ELMO1: variants seen among roughly 807,000 people sequenced by gnomAD.
ELMO1 encodes the protein engulfment and cell motility 1.
A neutral mutation model predicts 98.9 loss-of-function variants in ELMO1; 26 were observed. The ratio of observed to expected loss-of-function variants is 0.26; its 90% confidence interval spans 0.19 to 0.36. The LOEUF is 0.36. Ranked by LOEUF, ELMO1 falls within the 10% of genes least tolerant of loss-of-function variation. The pLI is 1.00. For missense variants in ELMO1, 627 were observed against 935.2 expected, an observed-to-expected ratio of 0.67 and a Z score of 4.30; for synonymous variants, 346 against 346.0, an observed-to-expected ratio of 1.00 and a Z score of 0.00.
At chr7:37,055,214 G>A (rs1467275935) in intron 15 of ELMO1, among the ~76,000 whole-genome samples, 1 of 152,298 alleles carries the variant, frequency 6.6e-6, no homozygotes, top group East Asian at 1.9e-4. Flanking sequence ...AAGAGCTGAG[G>A]CATCTATAGA....
intron 15 of ELMO1, among the ~76,000 whole-genome samples, chr7:37,062,987 G>C (rs905522580): frequency 1.3e-5 from 2 of 152,112 alleles, no homozygotes; most frequent in Admixed American, 6.5e-5. Flanking sequence ...GCATCAGAGA[G>C]GGAATAACAG....
At chr7:37,219,716 C>T (rs1793489872) in intron 10 of ELMO1, among the ~76,000 whole-genome samples, 1 of 152,202 alleles carries the variant, frequency 6.6e-6, no homozygotes, top group African/African-American at 2.4e-5. Flanking sequence ...AACTCTGATT[C>T]TTACCCGCTC....
At chr7:37,344,623 G>C (rs1219481481) in intron 1 of ELMO1, among the ~76,000 whole-genome samples, 5 of 152,316 alleles carry the variant, frequency 3.3e-5, no homozygotes, top group African/African-American at 1.2e-4. Context: ...CATAGGTGCA[G>C]TTAATATTGA....
intron 1 of ELMO1, among the ~76,000 whole-genome samples, chr7:37,396,217 T>C (rs1357341783): frequency 1.3e-5 from 2 of 152,176 alleles, no homozygotes; most frequent in Non-Finnish European, 1.5e-5. Flanking sequence ...ACAGTAGACA[T>C]AATGATAAGC....
At chr7:36,892,134 C>T (rs1035295580) in intron 17 of ELMO1, among the ~76,000 whole-genome samples, 1 of 152,150 alleles carries the variant, frequency 6.6e-6, no homozygotes, top group Non-Finnish European at 1.5e-5. Flanking sequence ...CAGAAAACGA[C>T]CATTTTATAA....
chr7:36,868,605 T>C (rs902896219), intron 20 of ELMO1, among the ~76,000 whole-genome samples: 3 of 152,100 alleles, frequency 2.0e-5, no homozygotes, highest in Non-Finnish European at 4.4e-5. Context: ...GCCTTGGCCT[T>C]CCAAAGTGCT....
chr7:37,407,105 C>T (rs1362108665), intron 1 of ELMO1, among the ~76,000 whole-genome samples: 1 of 152,182 alleles, frequency 6.6e-6, no homozygotes, highest in Non-Finnish European at 1.5e-5. Flanking sequence ...CTTGACAAAA[C>T]TCAGAAGCAA....
At chr7:37,349,733 C>T (rs1052730649) in intron 1 of ELMO1, among the ~76,000 whole-genome samples, 16 of 152,174 alleles carry the variant, frequency 1.1e-4, no homozygotes, top group African/African-American at 3.6e-4. Flanking sequence ...GGATTATAGG[C>T]GTGAGCCACC....
intron 4 of ELMO1, among the ~76,000 whole-genome samples, chr7:37,298,147 A>G (rs557941130): frequency 1.3e-5 from 2 of 152,304 alleles, no homozygotes; most frequent in South Asian, 4.1e-4. Flanking sequence ...TTAAATCAGT[A>G]AAGTGGTACC....
At chr7:37,341,052 T>C (rs2251816) in intron 2 of ELMO1, among the ~76,000 whole-genome samples, 128,156 of 152,182 alleles carry the variant, frequency 0.84, 54,433 homozygotes, top group Non-Finnish European at 0.91. Context: ...CACACAGGGA[T>C]ACCCTGGAGA....
chr7:37,316,494 C>T (rs1799165953), intron 2 of ELMO1, among the ~76,000 whole-genome samples: 1 of 152,184 alleles, frequency 6.6e-6, no homozygotes, highest in South Asian at 2.1e-4. Context: ...AATCATGCAG[C>T]AGCTTGAGCC....
chr7:37,100,748 C>CCT (rs1227512466), intron 14 of ELMO1, among the ~76,000 whole-genome samples: 1 of 152,180 alleles, frequency 6.6e-6, no homozygotes, highest in African/African-American at 2.4e-5. Flanking sequence ...GGCATAGTGG[C>CCT]CTCCCCACAG....
intron 16 of ELMO1, among the ~76,000 whole-genome samples, chr7:36,917,163 AAT>A (rs1296480984): frequency 7.9e-5 from 12 of 152,360 alleles, no homozygotes; most frequent in African/African-American, 2.9e-4. Flanking sequence ...GGTAATTATT[AAT>A]AGTTTCAAAT....
At chr7:37,105,714 T>C (rs2129270952) in intron 14 of ELMO1, among the ~76,000 whole-genome samples, 1 of 152,326 alleles carries the variant, frequency 6.6e-6, no homozygotes, top group South Asian at 2.1e-4. Context: ...AAACCTTTTG[T>C]TTTTAAAGAC....
chr7:36,966,574 C>T (rs772025564), intron 16 of ELMO1, among the ~76,000 whole-genome samples: 1 of 152,228 alleles, frequency 6.6e-6, no homozygotes, highest in Non-Finnish European at 1.5e-5. Flanking sequence ...CTGTTCTCTA[C>T]AACTTTACGT....
chr7:37,281,419 AT>A (rs1797135104), intron 4 of ELMO1, among the ~76,000 whole-genome samples: 1 of 152,212 alleles, frequency 6.6e-6, no homozygotes, highest in Non-Finnish European at 1.5e-5. Flanking sequence ...CAATGAGGCA[AT>A]ACCCCCCACA....
intron 18 of ELMO1, among the ~76,000 whole-genome samples, chr7:36,880,756 T>C (rs542238128): frequency 2.6e-5 from 4 of 152,188 alleles, no homozygotes; most frequent in South Asian, 2.1e-4. Context: ...TGGAGAAAAA[T>C]AGGAATGCAG....
At chr7:36,934,657 G>A (rs73115386) in intron 16 of ELMO1, among the ~76,000 whole-genome samples, 2,194 of 152,276 alleles carry the variant, frequency 0.014, 17 homozygotes, top group Middle Eastern at 0.02. Context: ...GGTTAATAAT[G>A]GGCAAAATAG....
chr7:36,966,732 T>A (rs554721562), intron 16 of ELMO1, among the ~76,000 whole-genome samples: 23 of 152,200 alleles, frequency 1.5e-4, no homozygotes, highest in Non-Finnish European at 2.1e-4. Context: ...CACCAGAGCC[T>A]ACAGAGAAAT....
Sources: allele counts gnomAD v4.1 joint callset (sites outside exome capture counted in the v4.1 genomes callset), GRCh38; gene constraint gnomAD v4.1.1; transcripts MANE v1.5; gene names NCBI Gene and HGNC (gene_info 2026-07-23, HGNC 2026-07-21).